The following LIPI variants were observed in gnomAD, a reference collection of about 807,000 sequenced individuals.
The protein encoded by LIPI is lipase member I.
LIPI carries 59 observed loss-of-function variants against 50.6 expected under a neutral mutation model. The ratio of observed to expected loss-of-function variants is 1.16; its 90% CI spans 0.94 to 1.45. LIPI has a LOEUF of 1.45. Ranked by LOEUF, LIPI falls within the 40% of genes most tolerant of loss-of-function variation. LIPI has a pLI of 0.00. For missense variants in LIPI, 586 were observed against 536.3 expected (o/e 1.09, Z -0.92); for synonymous variants, 203 against 178.2 (o/e 1.14, Z -1.11).
intron 3 of LIPI, among the ~76,000 whole-genome samples, chr21:14,182,543 T>C (rs1233492999): frequency 6.6e-6 from 1 of 152,162 alleles, no homozygotes; most frequent in Admixed American, 6.5e-5. Context: ...TAAAAAGATA[T>C]TTGAAAGTAA....
intron 9 of LIPI, among the ~76,000 whole-genome samples, chr21:14,123,108 C>T (rs1007024836): frequency 2.0e-5 from 3 of 152,182 alleles, no homozygotes; most frequent in Non-Finnish European, 2.9e-5. Context: ...CTTCACCATA[C>T]TGGAATTTGT....
chr21:14,183,114 T>A (rs966496256), intron 3 of LIPI, among the ~76,000 whole-genome samples: 1 of 152,180 alleles, frequency 6.6e-6, no homozygotes, highest in Non-Finnish European at 1.5e-5. Context: ...ATGGTACTGG[T>A]ACCAAAACAG....
chr21:14,184,462 A>G (rs2019385191), intron 3 of LIPI, among the ~76,000 whole-genome samples: 1 of 152,158 alleles, frequency 6.6e-6, no homozygotes, highest in Non-Finnish European at 1.5e-5. Context: ...TGTACCCTAA[A>G]ACTTAAAGTA....
chr21:14,158,023 C>G (rs956454513), intron 7 of LIPI, among the ~76,000 whole-genome samples: 1 of 151,662 alleles, frequency 6.6e-6, no homozygotes, highest in African/African-American at 2.4e-5. Context: ...ATGAATTAGG[C>G]AACAAGATTT....
At chr21:14,162,667 T>C (rs2018537341) in intron 7 of LIPI, among the ~76,000 whole-genome samples, 1 of 151,890 alleles carries the variant, frequency 6.6e-6, no homozygotes, top group Non-Finnish European at 1.5e-5. Flanking sequence ...CCAATTCTGT[T>C]TGACAGGACA....
At chr21:14,130,525 C>T (rs1312274727) in intron 9 of LIPI, among the ~76,000 whole-genome samples, 4 of 152,168 alleles carry the variant, frequency 2.6e-5, no homozygotes, top group African/African-American at 9.7e-5. Flanking sequence ...TGCTGACAGA[C>T]CAAGACTTGA....
intron 8 of LIPI, among the ~76,000 whole-genome samples, chr21:14,149,981 C>T (rs901743190): frequency 4.6e-5 from 7 of 152,102 alleles, no homozygotes; most frequent in Non-Finnish European, 8.8e-5. Flanking sequence ...TTTTTCACAG[C>T]TCCACGAGGC....
At position 14,152,629 on chromosome 21, in the gene LIPI, C is replaced by G. The variant is rs148202419; in HGVS notation, c.1062G>C (p.Ser354=). ...GCTGATTTAATAATTTAAATGAAAA[C>G]GAGCCATCCATCATAGTTTTATCTG... ...IVPDKTMMDG[S]FSFKLLNQLG... The change falls in exon 8 of 10, where the codon TCG becomes TCC. Residue 354 remains serine (S), a synonymous_variant. Transcript: ENST00000681601. The G allele has an allele frequency of 1.3e-6, 2 of 1,590,726 alleles. No homozygotes were observed. The highest frequency in any genetic ancestry group is 1.1e-5 in the South Asian group (1 of 90,190).
At chr21:14,152,902 G>GA in intron 7 of LIPI, among the ~76,000 whole-genome samples, 2 of 152,172 alleles carry the variant, frequency 1.3e-5, no homozygotes, top group Middle Eastern at 6.8e-3. Context: ...CATGAGAGAT[G>GA]AAAAAGCCTG....
chr21:14,206,141 A>G (rs565436309), intron 1 of LIPI, among the ~76,000 whole-genome samples: 1 of 152,236 alleles, frequency 6.6e-6, no homozygotes, highest in East Asian at 1.9e-4. Context: ...TACAGTTACA[A>G]TGCCTGTGAA....
intron 7 of LIPI, among the ~76,000 whole-genome samples, chr21:14,156,635 T>C (rs1158867841): frequency 6.6e-6 from 1 of 151,798 alleles, no homozygotes; most frequent in Non-Finnish European, 1.5e-5. Context: ...TTATAGAAAA[T>C]CAATATACAT....
chr21:14,188,060 C>T (rs2019517872), intron 2 of LIPI, among the ~76,000 whole-genome samples: 1 of 152,128 alleles, frequency 6.6e-6, no homozygotes, highest in Non-Finnish European at 1.5e-5. Flanking sequence ...ATTTCAAGCT[C>T]AATAATGCCC....
At chr21:14,147,167 C>T (rs1394828937) in intron 8 of LIPI, among the ~76,000 whole-genome samples, 3 of 152,144 alleles carry the variant, frequency 2.0e-5, no homozygotes, top group East Asian at 3.9e-4. Context: ...ATTTATTGGT[C>T]CTTCTGCCTA....
intron 9 of LIPI, among the ~76,000 whole-genome samples, chr21:14,140,378 A>C (rs2017661734): frequency 6.6e-6 from 1 of 151,820 alleles, no homozygotes; most frequent in Non-Finnish European, 1.5e-5. Flanking sequence ...ACGTATTTTA[A>C]AAATATTTTT....
intron 6 of LIPI, among the ~76,000 whole-genome samples, chr21:14,164,842 T>C (rs1210709166): frequency 6.6e-6 from 1 of 152,112 alleles, no homozygotes; most frequent in Non-Finnish European, 1.5e-5. Flanking sequence ...CTTCACTTGT[T>C]CCTAAAATCT....
chr21:14,191,562 G>A (rs1041024699), intron 1 of LIPI, among the ~76,000 whole-genome samples: 3 of 151,842 alleles, frequency 2.0e-5, no homozygotes, highest in African/African-American at 7.3e-5. Flanking sequence ...AGGTACACAG[G>A]CAATTTTAAA....
At chr21:14,199,993 G>A (rs921989431) in intron 1 of LIPI, among the ~76,000 whole-genome samples, 1 of 151,872 alleles carries the variant, frequency 6.6e-6, no homozygotes, top group Non-Finnish European at 1.5e-5. Context: ...CAGAACTAAA[G>A]ACAAAAACCA....
At chr21:14,138,047 C>G (rs1033301731) in intron 9 of LIPI, among the ~76,000 whole-genome samples, 1 of 151,982 alleles carries the variant, frequency 6.6e-6, no homozygotes. Context: ...TAAAGACTTT[C>G]CCAGAAAAAC....
intron 7 of LIPI, among the ~76,000 whole-genome samples, chr21:14,161,170 T>C (rs2018447348): frequency 1.3e-5 from 2 of 151,120 alleles, no homozygotes. Context: ...TTATACACTA[T>C]ATTCAAGCAG....
Sources: gnomAD v4.1 joint callset for allele counts (sites outside exome capture counted in the v4.1 genomes callset) on GRCh38, gnomAD v4.1.1 for gene constraint, MANE v1.5 for transcripts, NCBI Gene and HGNC (gene_info 2026-07-23, HGNC 2026-07-21) for gene names.